The following DACH2 variants were observed in gnomAD, a reference collection of about 807,000 sequenced individuals.
DACH2 encodes dachshund family transcription factor 2, also known as dachshund homolog 2.
Under a neutral mutation model 35.8 loss-of-function variants are expected in DACH2, and 17 were observed. The observed-to-expected ratio is 0.48, with a 90% CI of 0.33 to 0.71. The LOEUF (loss-of-function observed/expected upper bound fraction) is 0.71, where lower values mean the gene tolerates loss of function less well. DACH2 is among the 30% of genes least tolerant of loss of function. The pLI is 0.02. For synonymous variants in DACH2, 195 were observed against 177.3 expected, an observed-to-expected ratio of 1.10 and a Z score of -0.79; for missense variants, 469 against 472.7, an observed-to-expected ratio of 0.99 and a Z score of 0.07.
chrX:86,728,034 A>C (rs1378300027), intron 6 of DACH2, among the ~76,000 whole-genome samples: 1 of 112,081 alleles, frequency 8.9e-6, no homozygotes, highest in Admixed American at 9.5e-5. Flanking sequence ...AAAAGTTTGG[A>C]ACTTGTTAGA....
intron 1 of DACH2, among the ~76,000 whole-genome samples, chrX:86,334,816 G>T (rs2035275162): frequency 8.9e-6 from 1 of 112,036 alleles, no homozygotes; most frequent in Admixed American, 9.5e-5. Context: ...TGGTGTTTTA[G>T]TCATGAAGTG....
chrX:86,176,550 A>C (rs2031310286), intron 1 of DACH2, among the ~76,000 whole-genome samples: 1 of 111,261 alleles, frequency 9.0e-6, no homozygotes, highest in Non-Finnish European at 1.9e-5. Context: ...ACTATATATA[A>C]TAATACTATC....
intron 6 of DACH2, among the ~76,000 whole-genome samples, chrX:86,724,458 T>C (rs1473652071): frequency 8.9e-6 from 1 of 111,846 alleles, no homozygotes; most frequent in Non-Finnish European, 1.9e-5. Context: ...AAGCTTCCTC[T>C]TGTGGATAAA....
chrX:86,494,622 C>A (rs145101750), intron 2 of DACH2, among the ~76,000 whole-genome samples: 34 of 112,605 alleles, frequency 3.0e-4, no homozygotes, highest in African/African-American at 1.1e-3. Flanking sequence ...ACCTTGAAAT[C>A]TCATCAATAT....
At chrX:86,329,047 T>C (rs760475422) in intron 1 of DACH2, among the ~76,000 whole-genome samples, 1 of 111,412 alleles carries the variant, frequency 9.0e-6, no homozygotes, top group South Asian at 3.8e-4. Context: ...GGAAAACAGA[T>C]TTTACTGTGT....
chrX:86,770,032 A>G (rs1370598765), intron 7 of DACH2, among the ~76,000 whole-genome samples: 2 of 110,758 alleles, frequency 1.8e-5, no homozygotes, highest in South Asian at 3.8e-4. Context: ...AAAGATAAGA[A>G]AAAAAAGCAA....
intron 3 of DACH2, among the ~76,000 whole-genome samples, chrX:86,562,854 T>G (rs1218379535): frequency 8.9e-6 from 1 of 111,883 alleles, no homozygotes; most frequent in Non-Finnish European, 1.9e-5. Flanking sequence ...GAACGCATGT[T>G]TCTAATACTT....
chrX:86,767,548 C>A (rs185112057), intron 7 of DACH2, among the ~76,000 whole-genome samples: 1 of 111,862 alleles, frequency 8.9e-6, no homozygotes, highest in Non-Finnish European at 1.9e-5. Flanking sequence ...GTACTATTAA[C>A]CAAATTATAG....
rs747741452 is a variant in DACH2, at chrX:86,217,432, G to A, written c.488+68324G>A. ...CAATGACCTGTTAGGGAAGTAATAA[G>A]CATGCTGTAAATTTATTACTAATAA... On this transcript the variant is annotated intron_variant, in intron 1 of 11. Coordinates refer to ENST00000373125, the MANE Select transcript of DACH2 (RefSeq NM_053281.3). 4.5e-5 allele frequency among the ~76,000 whole-genome samples: 5 copies of A among 111,580 alleles called. No homozygotes were observed. In the East Asian group the frequency reaches 8.4e-4, roughly 19 times the overall value.
At chrX:86,455,714 G>A (rs1452407046) in intron 2 of DACH2, among the ~76,000 whole-genome samples, 1 of 112,322 alleles carries the variant, frequency 8.9e-6, no homozygotes, top group Non-Finnish European at 1.9e-5. Context: ...TCCCGTCTCA[G>A]GCAGACTCCA....
At position 86,376,856 on chromosome X, in the gene DACH2, T is replaced by C; in HGVS notation, c.521T>C (p.Val174Ala). ...AGGCAAATGACAAGAAAACAAGCTG[T>C]TAACAGGTATTTATGTATTTATTTT... Reference protein sequence around the residue: ...RKRQMTRKQAVNSSRPGRPPK... With the variant: ...RKRQMTRKQAANSSRPGRPPK... Residue 174 changes from valine (V) to alanine (A), a missense_variant, in exon 2 of 12, where the codon GTT (valine) becomes GCT (alanine). Physicochemically the swap from Val to Ala is moderately conservative, Grantham distance 64 (BLOSUM62 0). This residue lies in a region of DACH2 where 363 missense variants were observed against 334.4 expected (regional missense o/e 1.09). Coordinates refer to ENST00000373125, the MANE Select transcript of DACH2 (RefSeq NM_053281.3). 2.5e-6 allele frequency: 2 copies of C among 801,904 alleles called. No homozygotes were observed. The highest frequency in any genetic ancestry group is 2.2e-5 in the South Asian group (1 of 45,420). The allele number at this position is 801,904 out of a possible 1,213,427, so 66.1% of individuals were successfully genotyped here.
chrX:86,799,066 C>A, intron 7 of DACH2: 1 of 307,713 alleles, frequency 3.2e-6, no homozygotes, highest in Non-Finnish European at 6.2e-6. Flanking sequence ...CCAAAGATAT[C>A]TTGGATTATT....
intron 3 of DACH2, among the ~76,000 whole-genome samples, chrX:86,631,464 T>C (rs1370501633): frequency 2.7e-5 from 3 of 112,224 alleles, no homozygotes; most frequent in African/African-American, 9.7e-5. Context: ...GCAGCTTTGA[T>C]TGCAATAACA....
intron 2 of DACH2, among the ~76,000 whole-genome samples, chrX:86,511,748 A>G (rs758871914): frequency 1.8e-5 from 2 of 111,680 alleles, no homozygotes; most frequent in Non-Finnish European, 3.8e-5. Flanking sequence ...ATGTGTGACT[A>G]CAGGGGCCTT....
intron 2 of DACH2, among the ~76,000 whole-genome samples, chrX:86,452,106 C>A (rs1410915435): frequency 9.0e-6 from 1 of 111,576 alleles, no homozygotes. Flanking sequence ...GTCTTTAGTT[C>A]TGTTTATGTG....
intron 4 of DACH2, among the ~76,000 whole-genome samples, chrX:86,685,692 A>T (rs139358924): frequency 9.0e-6 from 1 of 111,200 alleles, no homozygotes; most frequent in African/African-American, 3.3e-5. Context: ...GCTTTTATTC[A>T]TGGTGGAAGG....
chrX:86,650,079 A>G (rs910069792), intron 3 of DACH2, among the ~76,000 whole-genome samples: 14 of 110,579 alleles, frequency 1.3e-4, no homozygotes, highest in African/African-American at 4.3e-4. Context: ...TGGTACTTTT[A>G]GTACTTGTTT....
At chrX:86,283,595 G>T (rs1349578316) in intron 1 of DACH2, among the ~76,000 whole-genome samples, 1 of 110,172 alleles carries the variant, frequency 9.1e-6, no homozygotes, top group Non-Finnish European at 1.9e-5. Flanking sequence ...GGATGAAGCT[G>T]GAAACTATCA....
intron 2 of DACH2, among the ~76,000 whole-genome samples, chrX:86,416,915 G>A (rs947516912): frequency 9.2e-5 from 10 of 108,994 alleles, no homozygotes; most frequent in East Asian, 2.9e-4. Flanking sequence ...CCAATATGGC[G>A]AAACCCCGTC....
Sources: gnomAD v4.1 joint callset for allele counts (sites outside exome capture counted in the v4.1 genomes callset) on GRCh38, gnomAD v4.1.1 for gene constraint, gnomAD v4.1.1 regional missense constraint, MANE v1.5 for transcripts, NCBI Gene and HGNC (gene_info 2026-07-23, HGNC 2026-07-21) for gene names.